The following ARRDC2 variants were observed in gnomAD, a reference collection of about 807,000 sequenced individuals.
The protein encoded by ARRDC2 is arrestin domain-containing protein 2.
A neutral mutation model predicts 38.9 loss-of-function variants in ARRDC2; 39 were observed. The ratio of observed to expected loss-of-function variants is 1.00; its 90% CI spans 0.78 to 1.31. The LOEUF (loss-of-function observed/expected upper bound fraction) is 1.31, where lower values mean the gene tolerates loss of function less well. Among genes scored for constraint, ARRDC2 ranks in the 50% most tolerant of loss-of-function variants. ARRDC2 has a pLI of 0.00. For missense variants in ARRDC2, 553 were observed against 588.4 expected, an observed-to-expected ratio of 0.94 and a Z score of 0.62; for synonymous variants, 300 against 261.9, an observed-to-expected ratio of 1.15 and a Z score of -1.41.
upstream of ARRDC2, chr19:18,008,115 G>GTGGGGGGGCCC: frequency 2.5e-6 from 2 of 810,030 alleles, no homozygotes; most frequent in Non-Finnish European, 3.4e-6. Context: ...AAGAGACGGT[G>GTGGGGGGGCCC]ACCCCACCCC....
At position 18,008,260 on chromosome 19, in the gene ARRDC2, C is replaced by T. The variant is rs753454347; in HGVS notation, c.-51C>T. ...GCGTCGGCATCTTGAGCTGCCGGTT[C>T]GCGAGTTCGAGGCCAGGTTCCGCCT... On this transcript the variant is annotated 5_prime_UTR_variant, in exon 1 of 8. Transcript: ENST00000222250. The T allele has an allele frequency of 1.3e-6, 2 of 1,565,052 alleles. No homozygotes were observed. The highest frequency in any genetic ancestry group is 2.3e-5 in the South Asian group (2 of 87,652).
At chr19:18,009,231 A>G in intron 3 of ARRDC2, 113 bp downstream of exon 3, 1 of 1,288,716 alleles carries the variant, frequency 7.8e-7, no homozygotes, top group Non-Finnish European at 1.1e-6. Context: ...CCTGGCAGGG[A>G]GGGAGGCAGG....
chr19:18,012,531 G>A (rs2033434456), intron 7 of ARRDC2, among the ~76,000 whole-genome samples: 1 of 152,178 alleles, frequency 6.6e-6, no homozygotes, highest in Admixed American at 6.5e-5. Flanking sequence ...AGGTTGCAGT[G>A]AGCCGAGATT....
In ARRDC2 at chr19:18,013,104, C is replaced by T. The variant is rs1599403620; in HGVS notation, c.*138C>T. On this transcript the variant is annotated 3_prime_UTR_variant, in exon 8 of 8. Coordinates refer to ENST00000222250, the MANE Select transcript of ARRDC2 (RefSeq NM_015683.2). ...ACCAAGTCTCAGAGTGAGGCGGGGGCCTTTCGGATATCACATGGGACAGAG... is the reference window on the plus strand; with the variant it reads ...ACCAAGTCTCAGAGTGAGGCGGGGGTCTTTCGGATATCACATGGGACAGAG... The T allele has an allele frequency of 5.8e-6, 5 of 859,668 alleles. No individual in the cohort carries two copies. In the South Asian group the frequency reaches 8.3e-5, roughly 14 times the overall value. 53.3% of individuals were successfully genotyped at this position (859,668 alleles called of 1,614,324 possible). A position where few individuals can be genotyped will look rare whatever the true frequency, so the allele number is the denominator to read the frequency against.
chr19:18,009,188 CACCA>C (rs1206807459), intron 3 of ARRDC2, 70 bp downstream of exon 3: 1 of 1,554,172 alleles, frequency 6.4e-7, no homozygotes, highest in African/African-American at 1.4e-5. Flanking sequence ...TGCTGGGCGA[CACCA>C]ACCAATAAGA....
At chr19:18,011,712 A>G (rs923851754) in intron 7 of ARRDC2, among the ~76,000 whole-genome samples, 3 of 151,690 alleles carry the variant, frequency 2.0e-5, no homozygotes, top group Non-Finnish European at 4.4e-5. Context: ...ACTGCAAATA[A>G]TACAAAATTA....
Position 18,008,370 on chromosome 19 carries a change from C to A in ARRDC2, c.60C>A (p.Val20=). The A allele has an allele frequency of 6.3e-7, 1 of 1,596,110 alleles. No individual in the cohort carries two copies. The highest frequency in any genetic ancestry group is 8.5e-7 in the Non-Finnish European group (1 of 1,178,712). The change falls in exon 1 of 8, where the codon GTC becomes GTA. Residue 20 remains valine, a synonymous_variant. Transcript: ENST00000222250. The stretch of plus-strand genomic sequence containing the variant: ...AGTTGGACGGCGCGACCGCGGGCGT[C>A]GAGCCCGTGTTTAGCGGCGGCCAGG... The part of the protein sequence containing the change: ...SVQLDGATAG[V]EPVFSGGQAV...
intron 5 of ARRDC2, 50 bp downstream of exon 5, chr19:18,010,089 T>C: frequency 1.9e-6 from 3 of 1,605,260 alleles, no homozygotes; most frequent in Non-Finnish European, 2.5e-6. Flanking sequence ...TCACCCTGTA[T>C]TCCCTCAGAC....
At chr19:18,008,130 C>CCCCCCCCCCCAAAAAAA, upstream of ARRDC2, 10 of 1,088,054 alleles carry the variant, frequency 9.2e-6, no homozygotes, top group Non-Finnish European at 1.1e-5. Flanking sequence ...CACCCCCCCC[C>CCCCCCCCCCCAAAAAAA]GCCCTGCCGT....
chr19:18,013,020 T>A lies in ARRDC2; in HGVS notation c.*54T>A, dbSNP rs546128761. 2 of 1,588,956 alleles carry A rather than the reference T, an allele frequency of 1.3e-6. No homozygotes were observed. Among genetic ancestry groups the A allele is most frequent in the African/African-American group, 2.7e-5 (2 of 74,396 alleles). ...GTTGCACACCAGCTTTCAGCCACCA[T>A]GACTGTGGGGAGTGGCTGGACCAAG... On this transcript the variant is annotated 3_prime_UTR_variant, in exon 8 of 8. Coordinates refer to ENST00000222250, the MANE Select transcript of ARRDC2 (RefSeq NM_015683.2).
upstream of ARRDC2, among the ~76,000 whole-genome samples, chr19:18,004,669 TCAGAG>T (rs534614132): frequency 1.0e-3 from 153 of 148,058 alleles, no homozygotes; most frequent in Middle Eastern, 0.026. Flanking sequence ...AGCCTGGGTG[TCAGAG>T]CAGAGTGAGA....
exon 1 of ARRDC2, chr19:18,001,151 CGCGCCCGCCCTGGGCCACCG>C (rs1176785243): frequency 5.3e-6 from 4 of 748,672 alleles, no homozygotes; most frequent in South Asian, 6.5e-5. Flanking sequence ...TCGCCGACGA[CGCGCCCGCCCTGGGCCACCG>C]GCGCCGGCCC....
intron 1 of ARRDC2, among the ~76,000 whole-genome samples, chr19:18,002,154 G>A (rs1297771266): frequency 6.6e-6 from 1 of 152,200 alleles, no homozygotes; most frequent in Non-Finnish European, 1.5e-5. Context: ...GATTCTCAGA[G>A]AAGGCCCCCA....
rs756218047 is a variant in ARRDC2 at position 18,010,678 on chromosome 19, C to G, written c.1119C>G (p.Phe373Leu). ...CCGACATGAGCCTTGAAGGCCCGTT[C>G]TTCGCCTACATCCAAGAGTTCCGCT... ...QDPDMSLEGP[F>L]FAYIQEFRYR... The change falls in exon 7 of 8, where the codon TTC (phenylalanine) becomes TTG (leucine). Residue 373 changes from phenylalanine (F) to leucine (L), a missense_variant. Phe to Leu is a conservative substitution (Grantham distance 22, BLOSUM62 0). Coordinates refer to ENST00000222250, the MANE Select transcript of ARRDC2 (RefSeq NM_015683.2). 2 of 1,613,914 alleles carry G rather than the reference C, an allele frequency of 1.2e-6. No individual in the cohort carries two copies. The highest frequency in any genetic ancestry group is 1.3e-5 in the African/African-American group (1 of 75,060).
At chr19:18,008,131 G>GGAAAAAAA, upstream of ARRDC2, 1 of 488,534 alleles carries the variant, frequency 2.0e-6, no homozygotes, top group Non-Finnish European at 2.6e-6. Flanking sequence ...ACCCCCCCCC[G>GGAAAAAAA]CCCTGCCGTA....
At chr19:18,008,168 G>A, upstream of ARRDC2, 2 of 1,431,398 alleles carry the variant, frequency 1.4e-6, no homozygotes, top group Non-Finnish European at 1.8e-6. Flanking sequence ...GCACGGCGCG[G>A]GGATTTTCTG....
chr19:18,009,815 A>G lies in ARRDC2; in HGVS notation c.625A>G (p.Asn209Asp). The G allele has an allele frequency of 6.2e-7, 1 of 1,612,532 alleles. No homozygotes were observed. Residue 209 changes from asparagine (N) to aspartate (D), a missense_variant, in exon 5 of 8, where the codon AAC (asparagine) becomes GAC (aspartate). Coordinates refer to ENST00000222250, the MANE Select transcript of ARRDC2 (RefSeq NM_015683.2). Reference sequence around the variant, plus strand: ...CATCCCTGTCTTTGCCGAGATCGACAACGGCTCCACACGTCCTGTGCTGCC... The same window carrying G: ...CATCCCTGTCTTTGCCGAGATCGACGACGGCTCCACACGTCCTGTGCTGCC... ...EVIPVFAEID[N>D]GSTRPVLPRA...
At position 18,013,908 on chromosome 19, in the gene ARRDC2, A is replaced by G. The variant is rs1375614453; in HGVS notation, c.*942A>G. ...CAGCCTAAGGTGACACACGGGGACT[A>G]CTGTGCTTCCGGAGGCTCCCTGTGT... On this transcript the variant is annotated 3_prime_UTR_variant, in exon 8 of 8. Coordinates refer to ENST00000222250, the MANE Select transcript of ARRDC2 (RefSeq NM_015683.2). 6.6e-6 allele frequency: 1 copy of G among 152,162 alleles called. No homozygotes were observed. Among genetic ancestry groups the G allele is most frequent in the Admixed American group, 6.5e-5 (1 of 15,280 alleles). The allele number at this position is 152,162 out of a possible 1,614,324, so 9.4% of individuals were successfully genotyped here. A position where few individuals can be genotyped will look rare whatever the true frequency, so the allele number is the denominator to read the frequency against.
upstream of ARRDC2, chr19:18,008,120 C>CCCCCCCCCCCCCCCCCCCCCAAAAAA: frequency 1.7e-6 from 1 of 572,700 alleles, no homozygotes; most frequent in Non-Finnish European, 2.6e-6. Flanking sequence ...ACGGTGACCC[C>CCCCCCCCCCCCCCCCCCCCCAAAAAA]ACCCCCCCCC....
Sources: gnomAD v4.1 joint callset for allele counts (sites outside exome capture counted in the v4.1 genomes callset) on GRCh38, gnomAD v4.1.1 for gene constraint, MANE v1.5 for transcripts, NCBI Gene and HGNC (gene_info 2026-07-23, HGNC 2026-07-21) for gene names.